UNC13C: variants seen among roughly 807,000 people sequenced by gnomAD.
UNC13C encodes protein unc-13 homolog C.
In UNC13C, 174 loss-of-function variants were observed where a neutral mutation model predicts 245.4. The observed-to-expected ratio is 0.71, with a 90% CI of 0.63 to 0.80. The LOEUF is 0.80. UNC13C is among the 30% of genes least tolerant of loss of function. The pLI is 0.00. For synonymous variants in UNC13C, 992 were observed against 895.1 expected, an observed-to-expected ratio of 1.11 and a Z score of -1.93; for missense variants, 2,829 against 2,602.9, an observed-to-expected ratio of 1.09 and a Z score of -1.89.
At chr15:54,549,567 C>T in intron 27 of UNC13C, 68 bp from the exon 28 acceptor site, 2 of 1,153,038 alleles carry the variant, frequency 1.7e-6, no homozygotes, top group East Asian at 2.4e-5. Context: ...CTGTTGACTG[C>T]ATTTCTATTG....
In UNC13C at chr15:54,595,769, G is replaced by T. The variant is rs145176271; in HGVS notation, c.6107-26558G>T. Among the ~76,000 whole-genome samples, 149 of 152,312 alleles carry T rather than the reference G, an allele frequency of 9.8e-4. 1 individual carries two copies. In the East Asian group the frequency reaches 0.022, roughly 23 times the overall value. ...TGAAAGTTTCTCCAGAAATAATTCA[G>T]AATTCTTGGACAGCTTCTATTTGTT... is the stretch of plus-strand genomic sequence containing the variant. On this transcript the variant is annotated intron_variant, in intron 30 of 32. Coordinates refer to ENST00000260323, the MANE Select transcript of UNC13C (RefSeq NM_001080534.3).
the UNC13C span, among the ~76,000 whole-genome samples, chr15:53,882,242 C>A: frequency 1.3e-5 from 2 of 152,094 alleles, no homozygotes; most frequent in African/African-American, 4.8e-5. Context: ...GGTTTATGAA[C>A]AAGTTCAAAA....
Position 54,552,481 on chromosome 15 carries a change from A to G in UNC13C, c.5877+2790A>G, listed in dbSNP as rs796399056. Among the ~76,000 whole-genome samples, 73 of 60,166 alleles carry G rather than the reference A, an allele frequency of 1.2e-3. 6 individuals carry two copies. In the South Asian group the frequency reaches 0.042, roughly 35 times the overall value. The allele number at this position is 60,166 out of a possible 152,430, so 39.5% of individuals were successfully genotyped here. On this transcript the variant is annotated intron_variant, in intron 28 of 32. Transcript: ENST00000260323. ...AATTATATATTACAATATATAATAT[A>G]ATTATATATTATATTATATATAATT... is the stretch of plus-strand genomic sequence containing the variant.
At chr15:53,859,131 AC>A in the UNC13C span, among the ~76,000 whole-genome samples, 1 of 152,182 alleles carries the variant, frequency 6.6e-6, no homozygotes, top group Non-Finnish European at 1.5e-5. Flanking sequence ...CCAAAGCATT[AC>A]CAAAATAACT....
chr15:54,581,988 A>G (rs1369878840), intron 30 of UNC13C, among the ~76,000 whole-genome samples: 2 of 152,006 alleles, frequency 1.3e-5, no homozygotes, highest in East Asian at 3.9e-4. Flanking sequence ...AGGTTAGTGT[A>G]AACCATTTAT....
At chr15:54,510,269 A>G (rs910407351) in intron 23 of UNC13C, among the ~76,000 whole-genome samples, 4 of 152,166 alleles carry the variant, frequency 2.6e-5, no homozygotes, top group African/African-American at 9.6e-5. Flanking sequence ...GCCCAGATTC[A>G]CACCAAATCT....
chr15:54,375,752 G>T (rs77907537), intron 17 of UNC13C, among the ~76,000 whole-genome samples: 1 of 152,132 alleles, frequency 6.6e-6, no homozygotes, highest in Admixed American at 6.5e-5. Flanking sequence ...GTGAGTTTGC[G>T]TGAGGACCCT....
chr15:54,426,857 C>T (rs915466953), intron 19 of UNC13C, among the ~76,000 whole-genome samples: 11 of 151,680 alleles, frequency 7.3e-5, no homozygotes, highest in Admixed American at 2.6e-4. Context: ...TTAGGTGCTA[C>T]GTGTAAAATG....
rs377334158 is a variant in UNC13C, at chr15:54,525,621, G to A, written c.5530G>A (p.Val1844Ile). Residue 1844 changes from valine to isoleucine, a missense_variant, in exon 25 of 33, where the codon GTC becomes ATC. Val to Ile is a conservative substitution (Grantham distance 29). Coordinates refer to ENST00000260323, the MANE Select transcript of UNC13C (RefSeq NM_001080534.3). Reference protein sequence around the residue: ...KLSGVLDELSVTYGESFQVII... With the variant: ...KLSGVLDELSITYGESFQVII... Reference sequence around the variant, plus strand: ...CAGTGGGGTCCTGGATGAGCTCAGCGTCACTTATGGTGAAAGGTAAGTGGC... The same window carrying A: ...CAGTGGGGTCCTGGATGAGCTCAGCATCACTTATGGTGAAAGGTAAGTGGC... 1.6e-5 allele frequency: 26 copies of A among 1,612,018 alleles called. No homozygotes were observed. Among genetic ancestry groups the A allele is most frequent in the African/African-American group, 4.0e-5 (3 of 74,880 alleles).
At chr15:53,939,850 G>T in the UNC13C span, among the ~76,000 whole-genome samples, 3 of 152,032 alleles carry the variant, frequency 2.0e-5, no homozygotes, top group Non-Finnish European at 4.4e-5. Context: ...GTTCAGGCAA[G>T]CCTTTATTTA....
At chr15:54,063,418 C>T (rs1897933154) in intron 2 of UNC13C, among the ~76,000 whole-genome samples, 1 of 151,992 alleles carries the variant, frequency 6.6e-6, no homozygotes, top group Non-Finnish European at 1.5e-5. Context: ...GAGAGAAGTA[C>T]TGAAGGTATA....
At chr15:54,083,337 A>T (rs1235885561) in intron 2 of UNC13C, among the ~76,000 whole-genome samples, 1 of 152,290 alleles carries the variant, frequency 6.6e-6, no homozygotes, top group East Asian at 1.9e-4. Flanking sequence ...AACTGGACTC[A>T]GGGCACAGCC....
intron 30 of UNC13C, among the ~76,000 whole-genome samples, chr15:54,596,501 C>A (rs1022164174): frequency 6.6e-6 from 1 of 152,166 alleles, no homozygotes; most frequent in Non-Finnish European, 1.5e-5. Flanking sequence ...TATGCACACA[C>A]ACGTACAACA....
At chr15:54,010,321 A>G (rs1461450964) in intron 1 of UNC13C, among the ~76,000 whole-genome samples, 1 of 152,220 alleles carries the variant, frequency 6.6e-6, no homozygotes, top group Admixed American at 6.5e-5. Context: ...CAGATAAAAT[A>G]TTTAACGTAA....
intron 30 of UNC13C, among the ~76,000 whole-genome samples, chr15:54,611,125 G>T (rs75791534): frequency 0.012 from 1,758 of 152,282 alleles, 33 homozygotes; most frequent in African/African-American, 0.04. Flanking sequence ...AGTAGTGTTG[G>T]TCAGAGTGAT....
intron 8 of UNC13C, among the ~76,000 whole-genome samples, chr15:54,252,460 C>A (rs947287946): frequency 6.6e-6 from 1 of 151,920 alleles, no homozygotes; most frequent in Non-Finnish European, 1.5e-5. Flanking sequence ...TATGCATGCC[C>A]CAGGGAGGGT....
intron 4 of UNC13C, among the ~76,000 whole-genome samples, chr15:54,233,658 T>C (rs1304631674): frequency 6.6e-6 from 1 of 152,204 alleles, no homozygotes; most frequent in African/African-American, 2.4e-5. Flanking sequence ...GGAGTTAGGC[T>C]CATGACGACT....
chr15:53,913,055 T>C, the UNC13C span: 7 of 152,262 alleles, frequency 4.6e-5, no homozygotes, highest in Non-Finnish European at 1.0e-4. Context: ...TTTGCCTTCA[T>C]GGGAGGGTGA....
intron 19 of UNC13C, among the ~76,000 whole-genome samples, chr15:54,422,982 C>CAA (rs1265550594): frequency 7.1e-6 from 1 of 140,240 alleles, no homozygotes; most frequent in African/African-American, 2.7e-5. Context: ...CACACACACA[C>CAA]AACGAAAAAA....
Sources: allele counts gnomAD v4.1 joint callset (sites outside exome capture counted in the v4.1 genomes callset), GRCh38; gene constraint gnomAD v4.1.1; transcripts MANE v1.5; gene names NCBI Gene and HGNC (gene_info 2026-07-23, HGNC 2026-07-21).